Variants in GATAD1 observed in about 807,000 individuals in gnomAD.
GATAD1 encodes GATA zinc finger domain-containing protein 1.
A neutral mutation model predicts 26.5 loss-of-function variants in GATAD1; 12 were observed. The ratio of observed to expected loss-of-function variants is 0.45; its 90% CI spans 0.29 to 0.73. The LOEUF (loss-of-function observed/expected upper bound fraction) is 0.73, where lower values mean the gene tolerates loss of function less well. Among genes scored for constraint, GATAD1 ranks in the 30% least tolerant of loss-of-function variants. The probability of loss-of-function intolerance (pLI) is 0.10; values close to 1 mark genes in which losing one functional copy is unlikely to be tolerated. For synonymous variants in GATAD1, 129 were observed against 133.1 expected (o/e 0.97, Z 0.21); for missense variants, 266 against 342.1 (o/e 0.78, Z 1.75).
chr7:92,476,616 G>GTC, the GATAD1 span, among the ~76,000 whole-genome samples: 17 of 150,962 alleles, frequency 1.1e-4, 1 homozygote, highest in Non-Finnish European at 2.2e-4. Flanking sequence ...TCTCCTCTTT[G>GTC]TCTCTCTCTC....
intron 3 of GATAD1, among the ~76,000 whole-genome samples, chr7:92,453,189 G>C (rs1023518718): frequency 2.0e-5 from 3 of 152,218 alleles, no homozygotes; most frequent in African/African-American, 7.2e-5. Flanking sequence ...GTGTTTTTAT[G>C]GTTGAGGTAC....
At chr7:92,470,603 A>G in the GATAD1 span, 3 of 476,576 alleles carry the variant, frequency 6.3e-6, no homozygotes, top group South Asian at 4.5e-5. Flanking sequence ...CCTTCCCAGG[A>G]TGTATCTAGG....
chr7:92,470,106 A>T, the GATAD1 span: 285 of 778,842 alleles, frequency 3.7e-4, 1 homozygote, highest in East Asian at 6.8e-3. Flanking sequence ...AACTAGGATT[A>T]ATCATTTTTC....
At chr7:92,452,060 T>C (rs1789459241) in intron 3 of GATAD1, among the ~76,000 whole-genome samples, 1 of 152,354 alleles carries the variant, frequency 6.6e-6, no homozygotes, top group Admixed American at 6.5e-5. Flanking sequence ...AAATCATATG[T>C]GTTAAGCACT....
the GATAD1 span, among the ~76,000 whole-genome samples, chr7:92,465,963 G>A: frequency 2.2e-4 from 34 of 152,130 alleles, no homozygotes; most frequent in East Asian, 5.2e-3. Flanking sequence ...AGATCGCACC[G>A]TTGTACTCCA....
chr7:92,461,697 G>A (rs529762311), downstream of GATAD1, among the ~76,000 whole-genome samples: 12 of 152,058 alleles, frequency 7.9e-5, 1 homozygote, highest in South Asian at 1.0e-3. Flanking sequence ...GAATAAAATG[G>A]GAGAAACAGC....
chr7:92,494,633 G>T, the GATAD1 span: 1 of 1,613,564 alleles, frequency 6.2e-7, no homozygotes, highest in Admixed American at 1.7e-5. Context: ...CTGTGCTCTG[G>T]GAAAAACAAA....
chr7:92,480,604 A>G, the GATAD1 span, among the ~76,000 whole-genome samples: 1 of 152,146 alleles, frequency 6.6e-6, no homozygotes, highest in East Asian at 1.9e-4. Context: ...CTGGAAGGAG[A>G]TATTTTCCTT....
chr7:92,464,419 C>G (rs1790029510), downstream of GATAD1, among the ~76,000 whole-genome samples: 1 of 152,168 alleles, frequency 6.6e-6, no homozygotes, highest in Non-Finnish European at 1.5e-5. Flanking sequence ...AACTGTTAGG[C>G]AGGTGGGCAA....
chr7:92,492,446 C>T, the GATAD1 span, among the ~76,000 whole-genome samples: 3 of 152,246 alleles, frequency 2.0e-5, no homozygotes, highest in Non-Finnish European at 4.4e-5. Context: ...GGATTACAGG[C>T]GTGAACCACT....
the GATAD1 span, chr7:92,491,570 C>CAT: frequency 1.1e-6 from 1 of 901,158 alleles, no homozygotes; most frequent in East Asian, 2.4e-5. Flanking sequence ...TAAATAATAA[C>CAT]ATAGATAGCA....
chr7:92,492,906 C>A, the GATAD1 span: 1 of 1,426,796 alleles, frequency 7.0e-7, no homozygotes, highest in Middle Eastern at 1.7e-4. Flanking sequence ...CATTGTACTT[C>A]TTTTATCACT....
rs1789754600 is a variant in GATAD1 at position 92,458,004 on chromosome 7, G to A, written c.*1442G>A. 1.3e-5 allele frequency: 2 copies of A among 152,198 alleles called. No homozygotes were observed. The highest frequency in any genetic ancestry group is 6.6e-5 in the Admixed American group (1 of 15,262). 9.4% of individuals were successfully genotyped at this position (152,198 alleles called of 1,614,324 possible). A position where few individuals can be genotyped will look rare whatever the true frequency, so the allele number is the denominator to read the frequency against. On this transcript the variant is annotated 3_prime_UTR_variant, in exon 5 of 5. Coordinates refer to ENST00000287957, the MANE Select transcript of GATAD1 (RefSeq NM_021167.5). ...ATACAAAAATTAGTTGGGTGTTATG[G>A]TGCATGCCTGTAATCCCAGCTACTC...
the GATAD1 span, among the ~76,000 whole-genome samples, chr7:92,491,826 C>CCATGTTATAGAGTGCTTTCT: frequency 2.6e-5 from 4 of 152,090 alleles, no homozygotes; most frequent in African/African-American, 9.7e-5. Context: ...GATGAATCAA[C>CCATGTTATAGAGTGCTTTCT]CATGTTATAG....
the GATAD1 span, chr7:92,494,478 A>G: frequency 1.2e-6 from 2 of 1,613,174 alleles, no homozygotes; most frequent in African/African-American, 2.7e-5. Flanking sequence ...CTGTATTTAT[A>G]ATTATTACCC....
chr7:92,483,352 A>G, the GATAD1 span, among the ~76,000 whole-genome samples: 5 of 152,314 alleles, frequency 3.3e-5, no homozygotes, highest in Admixed American at 2.6e-4. Context: ...GGTTTCTCTC[A>G]GAGTTGAGGC....
At chr7:92,451,732 A>G (rs1454780949) in intron 3 of GATAD1, among the ~76,000 whole-genome samples, 1 of 152,264 alleles carries the variant, frequency 6.6e-6, no homozygotes, top group Non-Finnish European at 1.5e-5. Flanking sequence ...TCTAAAGTTT[A>G]GCAAACAGTT....
At chr7:92,484,222 G>GA in the GATAD1 span, among the ~76,000 whole-genome samples, 4 of 152,212 alleles carry the variant, frequency 2.6e-5, no homozygotes. Flanking sequence ...GGTCAGGTGT[G>GA]AGTTGAAGAG....
chr7:92,457,511 A>AT lies in GATAD1; in HGVS notation c.*953dup, dbSNP rs1223008551. The AT allele has an allele frequency of 6.6e-6, 1 of 152,166 alleles. No individual in the cohort carries two copies. Among genetic ancestry groups the AT allele is most frequent in the Non-Finnish European group, 1.5e-5 (1 of 68,032 alleles). 9.4% of individuals were successfully genotyped at this position (152,166 alleles called of 1,614,324 possible). ...AAAGGGATAGAATATAATGAAATAT[A>AT]TTTTGAACTTAAATTATATTCTATA... On this transcript the variant is annotated 3_prime_UTR_variant, in exon 5 of 5. Coordinates refer to ENST00000287957, the MANE Select transcript of GATAD1 (RefSeq NM_021167.5).
Sources: allele counts gnomAD v4.1 joint callset (sites outside exome capture counted in the v4.1 genomes callset), GRCh38; gene constraint gnomAD v4.1.1; transcripts MANE v1.5; gene names NCBI Gene and HGNC (gene_info 2026-07-23, HGNC 2026-07-21).